The following SP2 variants were observed in gnomAD, a reference collection of about 807,000 sequenced individuals.
SP2 encodes transcription factor Sp2.
SP2 carries 9 observed loss-of-function variants against 50.1 expected under a neutral mutation model. That is an observed-to-expected ratio of 0.18 (90% CI 0.11 to 0.31). SP2 has a LOEUF of 0.31. SP2 is among the 10% of genes least tolerant of loss of function. The probability of loss-of-function intolerance (pLI) is 1.00; values close to 1 mark genes in which losing one functional copy is unlikely to be tolerated. For synonymous variants in SP2, 313 were observed against 326.6 expected, an observed-to-expected ratio of 0.96 and a Z score of 0.45; for missense variants, 581 against 806.5, an observed-to-expected ratio of 0.72 and a Z score of 3.39.
At chr17:47,909,980 TG>T (rs1427153522) in intron 1 of SP2, among the ~76,000 whole-genome samples, 2 of 152,246 alleles carry the variant, frequency 1.3e-5, no homozygotes, top group Non-Finnish European at 2.9e-5. Context: ...CCCAAGTAGC[TG>T]GGAGTACAGG....
chr17:47,897,114 C>T (rs1227718067), intron 1 of SP2, among the ~76,000 whole-genome samples: 3 of 152,236 alleles, frequency 2.0e-5, no homozygotes, highest in Non-Finnish European at 4.4e-5. Context: ...TAAGGAATTA[C>T]AGAAGAAATA....
At chr17:47,911,968 G>A (rs2035007719) in intron 1 of SP2, among the ~76,000 whole-genome samples, 1 of 152,144 alleles carries the variant, frequency 6.6e-6, no homozygotes, top group Non-Finnish European at 1.5e-5. Flanking sequence ...CTTAGCCCCA[G>A]ACAAACTAGA....
chr17:47,917,826 C>T (rs956503786), intron 3 of SP2: 2 of 431,450 alleles, frequency 4.6e-6, no homozygotes, highest in Non-Finnish European at 9.3e-6. Context: ...CAAGAATGTT[C>T]TTATTTTTGG....
chr17:47,909,452 A>G (rs1026763563), intron 1 of SP2, among the ~76,000 whole-genome samples: 6 of 152,118 alleles, frequency 3.9e-5, no homozygotes, highest in African/African-American at 1.4e-4. Context: ...AGGTTTCACC[A>G]TGTTGCCCAG....
chr17:47,920,872 A>T (rs2035429238), intron 3 of SP2, among the ~76,000 whole-genome samples: 1 of 152,004 alleles, frequency 6.6e-6, no homozygotes, highest in South Asian at 2.1e-4. Context: ...TGCAGCCATT[A>T]CCTCTATATA....
intron 1 of SP2, among the ~76,000 whole-genome samples, chr17:47,906,019 G>A (rs564543503): frequency 6.6e-6 from 1 of 152,332 alleles, no homozygotes; most frequent in African/African-American, 2.4e-5. Flanking sequence ...GCCTTTATAA[G>A]TTTATCACAA....
intron 1 of SP2, chr17:47,898,612 C>T (rs1247221454): frequency 6.6e-6 from 1 of 152,120 alleles, no homozygotes; most frequent in Non-Finnish European, 1.5e-5. Context: ...TTCACACACA[C>T]CCCCCTTTTC....
At position 47,916,890 on chromosome 17, in the gene SP2, C is replaced by A. The variant is rs147415907; in HGVS notation, c.819C>A (p.Thr273=). Residue 273 remains threonine, a synonymous_variant, in exon 3 of 7, where the codon ACC becomes ACA. Coordinates refer to ENST00000376741, the MANE Select transcript of SP2 (RefSeq NM_003110.6). The surrounding 1 kb of genome is among the most constrained non-coding windows in gnomAD (Gnocchi z 4.7). The part of the protein sequence containing the change: ...EQVETVLIET[T]ADNIIQAGNN... ...TGGAGACGGTGCTGATCGAGACCAC[C>A]GCGGACAACATCATCCAGGCAGGAA... 33 of 1,614,078 alleles carry A rather than the reference C, an allele frequency of 2.0e-5. No homozygotes were observed. The highest frequency in any genetic ancestry group is 8.3e-5 in the Admixed American group (5 of 60,004).
chr17:47,901,132 T>TC (rs1464574758), intron 1 of SP2, among the ~76,000 whole-genome samples: 2 of 150,870 alleles, frequency 1.3e-5, no homozygotes, highest in African/African-American at 4.9e-5. Context: ...GTATTCAAAT[T>TC]CAAGTGCCTT....
At chr17:47,915,488 T>TTATG (rs2035161968) in intron 2 of SP2, 100 bp downstream of exon 2, 3 of 704,026 alleles carry the variant, frequency 4.3e-6, no homozygotes. Flanking sequence ...ATACCCTAGG[T>TTATG]TATGAGACTG....
chr17:47,930,084 A>G (rs1040962798), downstream of SP2: 5 of 152,226 alleles, frequency 3.3e-5, no homozygotes, highest in Non-Finnish European at 7.3e-5. Flanking sequence ...TCGTTTGGGC[A>G]ATACTAGACC....
rs2144080232 is a variant in SP2, at chr17:47,925,550, C to T, written c.1741+9C>T. 1 of 1,609,522 alleles carries T rather than the reference C, an allele frequency of 6.2e-7. No individual in the cohort carries two copies. The highest frequency in any genetic ancestry group is 8.5e-7 in the Non-Finnish European group (1 of 1,176,916). On this transcript the variant is annotated intron_variant, in intron 6 of 6. Coordinates refer to ENST00000376741, the MANE Select transcript of SP2 (RefSeq NM_003110.6). Reference sequence around the variant, plus strand: ...TGCTCGCACCCACACAGGTCAGCCCCCTGCCTTCGGGACCCTCCACCCACA... The same window carrying T: ...TGCTCGCACCCACACAGGTCAGCCCTCTGCCTTCGGGACCCTCCACCCACA...
rs1408303864 is a variant in SP2 at position 47,917,086 on chromosome 17, T to G, written c.1015T>G (p.Ser339Ala). 1 of 1,613,136 alleles carries G rather than the reference T, an allele frequency of 6.2e-7. No individual in the cohort carries two copies. Among genetic ancestry groups the G allele is most frequent in the Non-Finnish European group, 8.5e-7 (1 of 1,179,702 alleles). ...ATLPTVPQKP[S>A]QNFQIQAAEP... is the part of the protein sequence containing the mutation. Reference sequence around the variant, plus strand: ...CCTCCCCACTGTACCCCAGAAGCCCTCCCAGAACTTTCAGATCCAGGCAGC... The same window carrying G: ...CCTCCCCACTGTACCCCAGAAGCCCGCCCAGAACTTTCAGATCCAGGCAGC... Residue 339 changes from serine (S) to alanine (A), a missense_variant, in exon 3 of 7, where the codon TCC (serine) becomes GCC (alanine). By Grantham distance (99) the Ser-to-Ala change is moderately conservative. This residue lies in a region of SP2 where 397 missense variants were observed against 491.0 expected (regional missense o/e 0.81). Coordinates refer to ENST00000376741, the MANE Select transcript of SP2 (RefSeq NM_003110.6).
chr17:47,898,815 A>G (rs1402997702), intron 1 of SP2: 3 of 152,242 alleles, frequency 2.0e-5, no homozygotes, highest in Non-Finnish European at 4.4e-5. Flanking sequence ...TCATGGCCCC[A>G]TCTTAAATCT....
intron 1 of SP2, among the ~76,000 whole-genome samples, chr17:47,908,302 G>A (rs754570629): frequency 6.6e-6 from 1 of 152,104 alleles, no homozygotes; most frequent in Non-Finnish European, 1.5e-5. Flanking sequence ...TTTTTATTTC[G>A]TCTCATTTCA....
chr17:47,898,615 C>T (rs1339123022), intron 1 of SP2: 1 of 152,158 alleles, frequency 6.6e-6, no homozygotes, highest in Non-Finnish European at 1.5e-5. Context: ...ACACACACCC[C>T]CCTTTTCTGT....
In SP2 at chr17:47,897,684, G is replaced by A. The variant is rs58153356; in HGVS notation, c.7+1391G>A. On this transcript the variant is annotated intron_variant, in intron 1 of 6. Coordinates refer to ENST00000376741, the MANE Select transcript of SP2 (RefSeq NM_003110.6). ...TAGAGTGTTGGCTGGCTCACAGGCT[G>A]CAAAGGAAATAATGGTGGAGTCCAG... 9.6e-4 allele frequency: 180 copies of A among 187,634 alleles called. 5 individuals are homozygous for A. The East Asian group carries it at 0.029, about 30-fold the overall frequency. The allele number at this position is 187,634 out of a possible 1,614,324, so 11.6% of individuals were successfully genotyped here.
chr17:47,902,900 C>T (rs1472829924), intron 1 of SP2, among the ~76,000 whole-genome samples: 1 of 152,192 alleles, frequency 6.6e-6, no homozygotes, highest in African/African-American at 2.4e-5. Flanking sequence ...GGATTACAGG[C>T]GGGCACCACC....
At chr17:47,910,912 A>G (rs935152444) in intron 1 of SP2, among the ~76,000 whole-genome samples, 1 of 152,150 alleles carries the variant, frequency 6.6e-6, no homozygotes, top group Non-Finnish European at 1.5e-5. Flanking sequence ...CTGGTGATCT[A>G]TGGTATATGT....
Sources: allele counts gnomAD v4.1 joint callset (sites outside exome capture counted in the v4.1 genomes callset), GRCh38; gene constraint gnomAD v4.1.1; regional missense constraint gnomAD v4.1.1; non-coding constraint Gnocchi (gnomAD v3.1); transcripts MANE v1.5; gene names NCBI Gene and HGNC (gene_info 2026-07-23, HGNC 2026-07-21).